Variants in EMSY observed in about 807,000 individuals in gnomAD.
EMSY encodes EMSY transcriptional repressor, BRCA2 interacting, also known as BRCA2-interacting transcriptional repressor EMSY.
A neutral mutation model predicts 134.6 loss-of-function variants in EMSY; 26 were observed. The ratio of observed to expected loss-of-function variants is 0.19; its 90% confidence interval spans 0.14 to 0.27. The LOEUF is 0.27. Ranked by LOEUF, EMSY falls within the 10% of genes least tolerant of loss-of-function variation. The pLI, the probability that EMSY is intolerant of heterozygous loss-of-function variation, is 1.00. For missense variants in EMSY, 1,305 were observed against 1,611.4 expected (o/e 0.81, Z 3.26); for synonymous variants, 579 against 577.8 (o/e 1.00, Z -0.03).
At chr11:76,518,516 T>A (rs2513521) in intron 11 of EMSY, among the ~76,000 whole-genome samples, 128,769 of 151,586 alleles carry the variant, frequency 0.85, 56,065 homozygotes, top group South Asian at 0.96. Context: ...TAGAAGGCTT[T>A]AAAAAAGATA....
chr11:76,492,643 C>T lies in EMSY; in HGVS notation c.1109-3572C>T, dbSNP rs1949468856. Among the ~76,000 whole-genome samples the T allele has an allele frequency of 2.0e-5, 3 of 152,112 alleles. No individual in the cohort carries two copies. The South Asian group carries it at 6.2e-4, about 32-fold the overall frequency. ...GATGCTGCAGTGGGGGAGGCATCGC[C>T]AGGGCTGCCCATTCCACAGAGCCCG... On this transcript the variant is annotated intron_variant, in intron 8 of 20. Transcript: ENST00000334736.
At chr11:76,552,067 A>G (rs1349357266), downstream of EMSY, 1 of 152,212 alleles carries the variant, frequency 6.6e-6, no homozygotes, top group Non-Finnish European at 1.5e-5. Context: ...GCTATCATCT[A>G]CATTTTTTTA....
intron 8 of EMSY, among the ~76,000 whole-genome samples, chr11:76,486,374 C>T (rs774339159): frequency 1.3e-5 from 2 of 152,192 alleles, no homozygotes; most frequent in African/African-American, 2.4e-5. Context: ...ATGTTCTGCA[C>T]ATCTATCCCA....
intron 11 of EMSY, among the ~76,000 whole-genome samples, chr11:76,518,704 T>TATATATATATATA (rs1555068832): frequency 4.9e-4 from 38 of 78,312 alleles, no homozygotes; most frequent in Admixed American, 7.3e-4. Context: ...TATATATATA[T>TATATATATATATA]TTTTTTTTTA....
intron 1 of EMSY, among the ~76,000 whole-genome samples, chr11:76,446,361 A>ATG (rs1565263259): frequency 1.3e-5 from 1 of 76,772 alleles, no homozygotes; most frequent in East Asian, 2.4e-4. Flanking sequence ...ATATATATAT[A>ATG]TGTATGTATC....
At chr11:76,537,655 T>C in intron 15 of EMSY, 140 bp from the exon 17 acceptor site, 1 of 709,160 alleles carries the variant, frequency 1.4e-6, no homozygotes, top group Non-Finnish European at 2.3e-6. Context: ...GCAATCTGCT[T>C]TTTTCTTTTC....
At chr11:76,526,950 G>A (rs958673628) in intron 13 of EMSY, among the ~76,000 whole-genome samples, 20 of 152,060 alleles carry the variant, frequency 1.3e-4, no homozygotes, top group African/African-American at 4.8e-4. Flanking sequence ...TAGTCATTCA[G>A]AATCACTCAA....
At chr11:76,467,454 C>A (rs1055570432) in intron 7 of EMSY, among the ~76,000 whole-genome samples, 3 of 152,170 alleles carry the variant, frequency 2.0e-5, no homozygotes, top group Admixed American at 2.0e-4. Flanking sequence ...ATTATACTTA[C>A]AACTAGTTGA....
exon 3 of EMSY, chr11:76,451,862 G>T: frequency 6.4e-7 from 1 of 1,560,378 alleles, no homozygotes; most frequent in Non-Finnish European, 8.6e-7. Context: ...TTTTAGAATT[G>T]GAGGCATATG....
At chr11:76,508,650 G>A (rs1180167089) in intron 9 of EMSY, among the ~76,000 whole-genome samples, 1 of 152,164 alleles carries the variant, frequency 6.6e-6, no homozygotes, top group Non-Finnish European at 1.5e-5. Context: ...TCCAATAAAA[G>A]TCTATTTTGT....
At chr11:76,523,008 C>G in intron 11 of EMSY, 147 bp from the exon 13 acceptor site, 1 of 727,736 alleles carries the variant, frequency 1.4e-6, no homozygotes, top group Non-Finnish European at 2.1e-6. Context: ...CTTACTATTC[C>G]AAGCCTTCAT....
intron 9 of EMSY, among the ~76,000 whole-genome samples, chr11:76,505,362 ATTTTT>A (rs372496170): frequency 5.4e-4 from 68 of 126,756 alleles, no homozygotes; most frequent in Non-Finnish European, 7.5e-4. Flanking sequence ...CGCCCGGCTA[ATTTTT>A]TTTTTTTTTT....
rs553446608 is a variant in EMSY at position 76,488,749 on chromosome 11, A to C, written c.1109-7466A>C. Among the ~76,000 whole-genome samples the C allele has an allele frequency of 1.7e-3, 265 of 152,300 alleles. No individual in the cohort carries two copies. The Middle Eastern group carries it at 0.02, about 12-fold the overall frequency. On this transcript the variant is annotated intron_variant, in intron 8 of 20. Coordinates refer to ENST00000334736, the Ensembl canonical transcript of EMSY. ...AGGCATTAGCTCATTTGAGCCATCA[A>C]GGAATTTCTTTTCACCTTTCTCTTT...
chr11:76,543,475 C>T (rs3758717), intron 18 of EMSY, among the ~76,000 whole-genome samples: 2,549 of 152,224 alleles, frequency 0.017, 48 homozygotes, highest in East Asian at 0.093. Context: ...GCCTGGAGTC[C>T]GGCCCTCAGC....
chr11:76,458,346 G>A, exon 5 of EMSY: 1 of 1,605,916 alleles, frequency 6.2e-7, no homozygotes, highest in Non-Finnish European at 8.5e-7. Flanking sequence ...TGCAGAAACA[G>A]GAAGCAAGGA....
chr11:76,445,986 C>A (rs1171739918), intron 1 of EMSY, among the ~76,000 whole-genome samples: 1 of 152,098 alleles, frequency 6.6e-6, no homozygotes, highest in Non-Finnish European at 1.5e-5. Flanking sequence ...GCAGCCCCAG[C>A]GCCTGGAACG....
chr11:76,497,749 T>C (rs1188574069), intron 9 of EMSY, among the ~76,000 whole-genome samples: 3 of 152,160 alleles, frequency 2.0e-5, no homozygotes, highest in Non-Finnish European at 4.4e-5. Context: ...TTGCTATTTA[T>C]TGCATTTAAA....
intron 14 of EMSY, among the ~76,000 whole-genome samples, chr11:76,529,768 G>A (rs1284843970): frequency 6.6e-6 from 1 of 152,110 alleles, no homozygotes; most frequent in South Asian, 2.1e-4. Context: ...TCATTATAGA[G>A]AGTGGGTAGT....
exon 6 of EMSY, chr11:76,459,946 T>C: frequency 6.2e-7 from 1 of 1,614,206 alleles, no homozygotes; most frequent in South Asian, 1.1e-5. Context: ...TGGTTTGCTA[T>C]TCCTACACAA....
Sources: gnomAD v4.1 joint callset for allele counts (sites outside exome capture counted in the v4.1 genomes callset) on GRCh38, gnomAD v4.1.1 for gene constraint, MANE v1.5 for transcripts, NCBI Gene and HGNC (gene_info 2026-07-23, HGNC 2026-07-21) for gene names.